The following CHMP1A variants were observed in gnomAD, a reference collection of about 807,000 sequenced individuals.
CHMP1A encodes the protein VPS46 homolog A.
In CHMP1A, 17 loss-of-function variants were observed where a neutral mutation model predicts 27.0. The ratio of observed to expected loss-of-function variants is 0.63; its 90% confidence interval spans 0.43 to 0.95. The LOEUF (loss-of-function observed/expected upper bound fraction) is 0.95, where lower values mean the gene tolerates loss of function less well. Ranked by LOEUF, CHMP1A falls within the 40% of genes least tolerant of loss-of-function variation. The pLI is 0.00. For synonymous variants in CHMP1A, 131 were observed against 107.5 expected (o/e 1.22, Z -1.35); for missense variants, 275 against 264.0 (o/e 1.04, Z -0.29).
chr16:89,647,377 GGAGCTCACGC>G, intron 4 of CHMP1A, 46 bp from the exon 5 acceptor site: 1 of 1,569,630 alleles, frequency 6.4e-7, no homozygotes. Context: ...AAAGGCAAGT[GGAGCTCACGC>G]ACCAGGGACG....
At chr16:89,647,081 G>C (rs942145973) in intron 5 of CHMP1A, 122 bp downstream of exon 5, 1 of 1,534,914 alleles carries the variant, frequency 6.5e-7, no homozygotes, top group Admixed American at 2.0e-5. Context: ...GCTTGGTGAC[G>C]TCAGGGAGCA....
At position 89,646,653 on chromosome 16, in the gene CHMP1A, C is replaced by G; in HGVS notation, c.443G>C (p.Ser148Thr). 1 of 1,610,886 alleles carries G rather than the reference C, an allele frequency of 6.2e-7. No homozygotes were observed. Among genetic ancestry groups the G allele is most frequent in the Non-Finnish European group, 8.5e-7 (1 of 1,179,102 alleles). ...TLTTPQEQVD[S>T]LIMQIAEENG... ...CTCCTCGGCGATCTGCATGATGAGGCTGTCCACCTGCTCCTGCGGCGTGGT... is the reference window on the plus strand; with the variant it reads ...CTCCTCGGCGATCTGCATGATGAGGGTGTCCACCTGCTCCTGCGGCGTGGT... The change falls in exon 6 of 7, where the codon AGC (serine) becomes ACC (threonine). Residue 148 changes from serine to threonine, a missense_variant. Ser to Thr is a moderately conservative substitution (Grantham distance 58). Transcript: ENST00000397901.
In CHMP1A at chr16:89,651,789, G is replaced by C. The variant is rs1315365661; in HGVS notation, c.28-143C>G. 1.2e-5 allele frequency: 9 copies of C among 751,678 alleles called. No individual in the cohort carries two copies. In the Admixed American group the frequency reaches 2.6e-4, roughly 22 times the overall value. 46.6% of individuals were successfully genotyped at this position (751,678 alleles called of 1,614,324 possible). The stretch of plus-strand genomic sequence containing the variant: ...TCAGCCAGCCTGGGCCCAGCACACC[G>C]CAGGGAAGGCGTGAAGCCTGTGGGC... On this transcript the variant is annotated intron_variant, in intron 2 of 6. Coordinates refer to ENST00000397901, the MANE Select transcript of CHMP1A (RefSeq NM_002768.5).
At position 89,647,665 on chromosome 16, in the gene CHMP1A, G is replaced by A. The variant is rs557752223; in HGVS notation, c.253-334C>T. Among the ~76,000 whole-genome samples the A allele has an allele frequency of 9.4e-4, 28 of 29,808 alleles. 2 individuals carry two copies. The highest frequency in any genetic ancestry group is 1.9e-3 in the Non-Finnish European group (22 of 11,792). 19.6% of individuals were successfully genotyped at this position (29,808 alleles called of 152,430 possible). ...CGACGTGGGGACCCAGCGCGGGGTC[G>A]GTGGAGAAAAGGCCGCCGACGTGGG... is the stretch of plus-strand genomic sequence containing the variant. On this transcript the variant is annotated intron_variant, in intron 4 of 6. Coordinates refer to ENST00000397901, the MANE Select transcript of CHMP1A (RefSeq NM_002768.5).
chr16:89,646,110 G>A lies in CHMP1A; in HGVS notation c.570-23C>T, dbSNP rs1456317565. On this transcript the variant is annotated intron_variant, in intron 6 of 6. Coordinates refer to ENST00000397901, the MANE Select transcript of CHMP1A (RefSeq NM_002768.5). ...AACCTGGAAACCAACAACAGGACTC[G>A]GGTCAGGGCAGGGGAAGGGGGCCTC... is the stretch of plus-strand genomic sequence containing the variant. 3.9e-6 allele frequency: 6 copies of A among 1,530,828 alleles called. No homozygotes were observed. In the African/African-American group the frequency reaches 5.5e-5, roughly 14 times the overall value. The allele number at this position is 1,530,828 out of a possible 1,614,324, so 94.8% of individuals were successfully genotyped here.
Position 89,657,665 on chromosome 16 carries a change from T to A in CHMP1A, c.-77A>T. The A allele has an allele frequency of 1.3e-6, 2 of 1,599,268 alleles. No individual in the cohort carries two copies. The highest frequency in any genetic ancestry group is 1.7e-6 in the Non-Finnish European group (2 of 1,174,134). The stretch of plus-strand genomic sequence containing the variant: ...GGGCGGTGTCAGGTCCCGGCGGCGA[T>A]CGAACCGACCAAGCTGCACCCGGCG... On this transcript the variant is annotated 5_prime_UTR_variant, in exon 1 of 7. Coordinates refer to ENST00000397901, the MANE Select transcript of CHMP1A (RefSeq NM_002768.5).
chr16:89,646,543 C>A lies in CHMP1A; in HGVS notation c.553G>T (p.Asp185Tyr). The change falls in exon 6 of 7, where the codon GAC becomes TAC. Residue 185 changes from aspartate (D) to tyrosine (Y), a missense_variant. By Grantham distance (160) the Asp-to-Tyr change is radical. Coordinates refer to ENST00000397901, the MANE Select transcript of CHMP1A (RefSeq NM_002768.5). ...CGACCCTACCTCCGTGACAGCTGGT[C>A]CTCCTGGCTGCGCACAGAGCTCTCG... is the stretch of plus-strand genomic sequence containing the variant. ...VGESSVRSQE[D>Y]QLSRRLAALR... 6.3e-7 allele frequency: 1 copy of A among 1,585,508 alleles called. No individual in the cohort carries two copies. Among genetic ancestry groups the A allele is most frequent in the South Asian group, 1.2e-5 (1 of 86,668 alleles).
intron 2 of CHMP1A, among the ~76,000 whole-genome samples, chr16:89,651,942 G>A (rs1164262063): frequency 6.6e-6 from 1 of 152,232 alleles, no homozygotes; most frequent in African/African-American, 2.4e-5. Flanking sequence ...GCCTCCTCCA[G>A]AGCGGAAGGG....
intron 4 of CHMP1A, among the ~76,000 whole-genome samples, chr16:89,648,942 T>G (rs966194538): frequency 8.6e-5 from 13 of 151,806 alleles, no homozygotes; most frequent in Non-Finnish European, 1.6e-4. Flanking sequence ...GGAGGATTGC[T>G]TGAGCCCAGG....
chr16:89,653,474 T>A (rs1403615340), intron 2 of CHMP1A, among the ~76,000 whole-genome samples: 2 of 150,072 alleles, frequency 1.3e-5, no homozygotes, highest in African/African-American at 4.9e-5. Context: ...TAAAAAAAAA[T>A]TAGCTGGGCA....
At chr16:89,651,448 G>A in intron 3 of CHMP1A, 121 bp downstream of exon 3, 7 of 674,944 alleles carry the variant, frequency 1.0e-5, no homozygotes, top group Middle Eastern at 2.5e-4. Flanking sequence ...AAATCATGAT[G>A]TAGAAAGTGC....
intron 3 of CHMP1A, 114 bp from the exon 4 acceptor site, chr16:89,649,611 T>C: frequency 1.5e-6 from 2 of 1,321,092 alleles, no homozygotes; most frequent in Non-Finnish European, 2.1e-6. Context: ...AGTCTTGCTC[T>C]GTTGCCCAGG....
chr16:89,646,850 C>T, intron 5 of CHMP1A, 136 bp from the exon 6 acceptor site: 1 of 1,098,220 alleles, frequency 9.1e-7, no homozygotes. Context: ...CTCAGTGACT[C>T]TCTCTGTCTC....
chr16:89,649,229 C>G, intron 4 of CHMP1A, 122 bp downstream of exon 4: 1 of 1,165,102 alleles, frequency 8.6e-7, no homozygotes. Flanking sequence ...TTCCCTCAAC[C>G]TCCCCACCCC....
At chr16:89,651,522 G>A (rs776940457) in intron 3 of CHMP1A, 47 bp downstream of exon 3, 4 of 1,581,776 alleles carry the variant, frequency 2.5e-6, no homozygotes, top group African/African-American at 2.7e-5. Flanking sequence ...GAAAAGGACA[G>A]AAGACAAACC....
Position 89,649,376 on chromosome 16 carries a change from A to T in CHMP1A, c.227T>A (p.Val76Glu). ...CCCCTTCATAGTCACAGCTGTCTGC[A>T]CCTTGGAGGCCACTGCGTCTACGCG... The part of the protein sequence containing the change: ...ASRVDAVASK[V>E]QTAVTMKGVT... The change falls in exon 4 of 7, where the codon GTG (valine) becomes GAG (glutamate). Residue 76 changes from valine (V) to glutamate (E), a missense_variant. Transcript: ENST00000397901. 8 of 1,613,446 alleles carry T rather than the reference A, an allele frequency of 5.0e-6. No homozygotes were observed. Among genetic ancestry groups the T allele is most frequent in the Non-Finnish European group, 6.8e-6 (8 of 1,179,720 alleles).
chr16:89,650,670 G>T (rs1268071098), intron 3 of CHMP1A, among the ~76,000 whole-genome samples: 3 of 151,976 alleles, frequency 2.0e-5, no homozygotes, highest in African/African-American at 7.3e-5. Flanking sequence ...GCCAGGTGTG[G>T]TGGCGCATGC....
intron 5 of CHMP1A, 187 bp from the exon 6 acceptor site, chr16:89,646,901 C>CCCCCCCCCA: frequency 1.3e-6 from 1 of 741,992 alleles, no homozygotes; most frequent in Non-Finnish European, 2.2e-6. Context: ...CACCCAGCCC[C>CCCCCCCCCA]ACCCTCTGAC....
intron 4 of CHMP1A, chr16:89,649,150 C>T: frequency 2.7e-6 from 1 of 363,946 alleles, no homozygotes; most frequent in East Asian, 4.2e-5. Flanking sequence ...CACGCTGATC[C>T]AGCTTAACTC....
Sources: allele counts gnomAD v4.1 joint callset (sites outside exome capture counted in the v4.1 genomes callset), GRCh38; gene constraint gnomAD v4.1.1; transcripts MANE v1.5; gene names NCBI Gene and HGNC (gene_info 2026-07-23, HGNC 2026-07-21).